The following ROBO1 variants were observed in gnomAD, a reference collection of about 807,000 sequenced individuals.
ROBO1 encodes the protein roundabout guidance receptor 1.
ROBO1 carries 149 observed loss-of-function variants against 195.9 expected under a neutral mutation model. That is an observed-to-expected ratio of 0.76 (90% CI 0.67 to 0.87). The LOEUF is 0.87. Among genes scored for constraint, ROBO1 ranks in the 40% least tolerant of loss-of-function variants. The pLI is 0.00. For synonymous variants in ROBO1, 816 were observed against 733.2 expected (o/e 1.11, Z -1.82); for missense variants, 1,933 against 2,068.3 (o/e 0.93, Z 1.27).
chr3:79,502,280 G>A (rs1166491585), intron 2 of ROBO1, among the ~76,000 whole-genome samples: 2 of 152,150 alleles, frequency 1.3e-5, no homozygotes, highest in Admixed American at 1.3e-4. Context: ...CGGGAACCGG[G>A]GCTGCGCGCG....
chr3:78,639,144 C>A (rs1033423240), intron 22 of ROBO1, among the ~76,000 whole-genome samples: 3 of 151,132 alleles, frequency 2.0e-5, no homozygotes, highest in African/African-American at 7.3e-5. Context: ...AGACTCTTGT[C>A]AAAAAAATAA....
At chr3:79,556,907 A>T (rs1020721816) in intron 2 of ROBO1, among the ~76,000 whole-genome samples, 2 of 151,358 alleles carry the variant, frequency 1.3e-5, no homozygotes, top group East Asian at 1.9e-4. Flanking sequence ...TTTATTTTTT[A>T]AAATAAAAAT....
chr3:79,196,138 C>G (rs942870294), intron 2 of ROBO1, among the ~76,000 whole-genome samples: 1 of 151,474 alleles, frequency 6.6e-6, no homozygotes, highest in Non-Finnish European at 1.5e-5. Context: ...ATGGTATAAG[C>G]CAGACTGCAA....
In ROBO1 at chr3:79,196,834, T is replaced by C. The variant is rs2081646736; in HGVS notation, c.89-71295A>G. Among the ~76,000 whole-genome samples the C allele has an allele frequency of 3.3e-5, 5 of 151,866 alleles. 1 individual carries two copies. The South Asian group carries it at 1.0e-3, about 31-fold the overall frequency. Reference sequence around the variant, plus strand: ...ATACAAAATATTCAAATATGTGATATCTGGATAGAAAAAATATTTCAAACT... The same window carrying C: ...ATACAAAATATTCAAATATGTGATACCTGGATAGAAAAAATATTTCAAACT... On this transcript the variant is annotated intron_variant, in intron 2 of 30. Coordinates refer to ENST00000464233, the MANE Select transcript of ROBO1 (RefSeq NM_002941.4).
intron 2 of ROBO1, among the ~76,000 whole-genome samples, chr3:79,274,437 T>C (rs549692141): frequency 5.3e-5 from 8 of 151,994 alleles, no homozygotes; most frequent in African/African-American, 1.7e-4. Flanking sequence ...GAAATTTAAA[T>C]ATTTCTTGAA....
chr3:79,613,379 C>G lies in ROBO1; in HGVS notation c.-50-23418G>C, dbSNP rs183483585. Among the ~76,000 whole-genome samples, 8 of 151,744 alleles carry G rather than the reference C, an allele frequency of 5.3e-5. No homozygotes were observed. In the East Asian group the frequency reaches 5.8e-4, roughly 11 times the overall value. ...ATATATCTTTTAAATTCTTGAGCAA[C>G]AGCTGAGAAAGAAAGAAAGAAGTAT... On this transcript the variant is annotated intron_variant, in intron 1 of 30. Coordinates refer to ENST00000464233, the MANE Select transcript of ROBO1 (RefSeq NM_002941.4).
At chr3:78,849,499 C>A (rs915776858) in intron 4 of ROBO1, among the ~76,000 whole-genome samples, 1 of 151,966 alleles carries the variant, frequency 6.6e-6, no homozygotes, top group African/African-American at 2.4e-5. Flanking sequence ...TGGGAGCGCA[C>A]AAAGCAACAG....
intron 4 of ROBO1, among the ~76,000 whole-genome samples, chr3:78,867,673 C>T (rs1027048018): frequency 2.6e-5 from 4 of 152,114 alleles, no homozygotes; most frequent in Non-Finnish European, 5.9e-5. Flanking sequence ...CATTTTGCTC[C>T]GGATATCTAT....
intron 2 of ROBO1, among the ~76,000 whole-genome samples, chr3:79,454,131 CT>C (rs11370962): frequency 0.018 from 2,505 of 141,798 alleles, 54 homozygotes; most frequent in African/African-American, 0.053. Flanking sequence ...AATTTCATTC[CT>C]TTTTTTTTTT....
chr3:79,001,999 C>T (rs1184431318), intron 3 of ROBO1, among the ~76,000 whole-genome samples: 1 of 151,968 alleles, frequency 6.6e-6, no homozygotes, highest in Non-Finnish European at 1.5e-5. Flanking sequence ...TATGGAGCTC[C>T]CACTATGTGC....
intron 1 of ROBO1, among the ~76,000 whole-genome samples, chr3:79,595,838 C>A (rs1028342758): frequency 6.6e-6 from 1 of 151,540 alleles, no homozygotes; most frequent in African/African-American, 2.4e-5. Context: ...CAAGCATGAG[C>A]CACTGGACTT....
intron 2 of ROBO1, among the ~76,000 whole-genome samples, chr3:79,206,180 A>T (rs905123811): frequency 4.6e-5 from 7 of 152,198 alleles, no homozygotes; most frequent in Non-Finnish European, 8.8e-5. Context: ...ACCACATGGT[A>T]TATGCTACCC....
intron 10 of ROBO1, among the ~76,000 whole-genome samples, chr3:78,680,054 C>G (rs1320069729): frequency 6.6e-6 from 1 of 152,094 alleles, no homozygotes; most frequent in East Asian, 1.9e-4. Flanking sequence ...TGATCTTTGA[C>G]AAACCTGACA....
intron 2 of ROBO1, among the ~76,000 whole-genome samples, chr3:79,464,365 C>T (rs1937831473): frequency 6.6e-6 from 1 of 152,204 alleles, no homozygotes; most frequent in South Asian, 2.1e-4. Context: ...AGTGGTTGCA[C>T]TACTTTAAAT....
Position 79,343,127 on chromosome 3 carries a change from C to T in ROBO1, c.89-217588G>A, listed in dbSNP as rs115168910. The stretch of plus-strand genomic sequence containing the variant: ...TGTAGCCTTTTCAGATTGGCTTCTT[C>T]CACTTAGTAACATGAATTTAAGTTT... On this transcript the variant is annotated intron_variant, in intron 2 of 30. Transcript: ENST00000464233. Among the ~76,000 whole-genome samples, 447 of 152,242 alleles carry T rather than the reference C, an allele frequency of 2.9e-3. 2 individuals are homozygous for T. The highest frequency in any genetic ancestry group is 9.7e-3 in the African/African-American group (401 of 41,552).
chr3:79,556,767 G>A (rs1217474464), intron 2 of ROBO1, among the ~76,000 whole-genome samples: 1 of 151,684 alleles, frequency 6.6e-6, no homozygotes, highest in East Asian at 1.9e-4. Context: ...TTTTGTTTCA[G>A]ATTATTCATA....
At position 78,651,719 on chromosome 3, in the gene ROBO1, G is replaced by T; in HGVS notation, c.2812+13C>A. On this transcript the variant is annotated intron_variant, in intron 19 of 30. Coordinates refer to ENST00000464233, the MANE Select transcript of ROBO1 (RefSeq NM_002941.4). ...TAAACATTAAAATATGAAAACCTTGGGAAAGCTAATACCTTTTCTGATACC... is the reference window on the plus strand; with the variant it reads ...TAAACATTAAAATATGAAAACCTTGTGAAAGCTAATACCTTTTCTGATACC... The T allele has an allele frequency of 6.5e-7, 1 of 1,537,204 alleles. No individual in the cohort carries two copies.
At chr3:79,333,428 T>C (rs952885844) in intron 2 of ROBO1, among the ~76,000 whole-genome samples, 2 of 152,032 alleles carry the variant, frequency 1.3e-5, no homozygotes, top group East Asian at 3.9e-4. Flanking sequence ...TGTGTAACCA[T>C]GTAAATCGCA....
chr3:78,776,658 C>T (rs2083516549), intron 4 of ROBO1, among the ~76,000 whole-genome samples: 2 of 152,318 alleles, frequency 1.3e-5, no homozygotes, highest in South Asian at 2.1e-4. Context: ...ACTACATTCA[C>T]TAAGTAAAAT....
Sources: gnomAD v4.1 joint callset for allele counts (sites outside exome capture counted in the v4.1 genomes callset) on GRCh38, gnomAD v4.1.1 for gene constraint, MANE v1.5 for transcripts, NCBI Gene and HGNC (gene_info 2026-07-23, HGNC 2026-07-21) for gene names.